TRIM24: variants seen among roughly 807,000 people sequenced by gnomAD.
TRIM24 encodes tripartite motif containing 24.
In TRIM24, 29 loss-of-function variants were observed where a neutral mutation model predicts 123.9. That is an observed-to-expected ratio of 0.23 (90% CI 0.17 to 0.32). TRIM24 has a LOEUF of 0.32. Ranked by LOEUF, TRIM24 falls within the 10% of genes least tolerant of loss-of-function variation. The pLI is 1.00. For missense variants in TRIM24, 932 were observed against 1,295.3 expected, an observed-to-expected ratio of 0.72 and a Z score of 4.31; for synonymous variants, 456 against 461.1, an observed-to-expected ratio of 0.99 and a Z score of 0.14.
At chr7:138,501,888 A>C (rs1367286543) in intron 1 of TRIM24, among the ~76,000 whole-genome samples, 3 of 128,388 alleles carry the variant, frequency 2.3e-5, no homozygotes, top group African/African-American at 5.3e-5. Context: ...ACTCCGTCTC[A>C]AAAAAAAAAA....
intron 4 of TRIM24, among the ~76,000 whole-genome samples, chr7:138,523,643 C>T (rs1018535260): frequency 4.1e-5 from 6 of 145,758 alleles, no homozygotes; most frequent in Non-Finnish European, 7.5e-5. Context: ...CCCAGCTACT[C>T]GGGAGGCTGA....
chr7:138,492,911 C>T (rs1166127944), intron 1 of TRIM24, among the ~76,000 whole-genome samples: 1 of 152,056 alleles, frequency 6.6e-6, no homozygotes, highest in Non-Finnish European at 1.5e-5. Flanking sequence ...GCCTTAGGTT[C>T]TGTTAATTTT....
At position 138,554,137 on chromosome 7, in the gene TRIM24, C is replaced by T. The variant is rs939157560; in HGVS notation, c.1262-561C>T. ...TTCATTGATAAAGAATGATAATCTCCGGGTTGGCCACTCCTAGGTTCCTTA... is the reference window on the plus strand; with the variant it reads ...TTCATTGATAAAGAATGATAATCTCTGGGTTGGCCACTCCTAGGTTCCTTA... On this transcript the variant is annotated intron_variant, in intron 8 of 18. Coordinates refer to ENST00000343526, the MANE Select transcript of TRIM24 (RefSeq NM_015905.3). This position sits in a 1 kb window ranked among gnomAD's most constrained non-coding sequence, Gnocchi z 4.5. Among the ~76,000 whole-genome samples, 24 of 152,270 alleles carry T rather than the reference C, an allele frequency of 1.6e-4. No homozygotes were observed. The highest frequency in any genetic ancestry group is 5.1e-4 in the African/African-American group (21 of 41,554).
At chr7:138,484,765 TGTAA>T (rs1340087137) in intron 1 of TRIM24, among the ~76,000 whole-genome samples, 2 of 152,258 alleles carry the variant, frequency 1.3e-5, no homozygotes, top group Non-Finnish European at 2.9e-5. Context: ...ACAATCCCTG[TGTAA>T]GTTTGGAATT....
chr7:138,485,376 TAA>T (rs1348155430), intron 1 of TRIM24, among the ~76,000 whole-genome samples: 1 of 152,110 alleles, frequency 6.6e-6, no homozygotes, highest in East Asian at 1.9e-4. Flanking sequence ...AATTATACTT[TAA>T]GTTCTAGGGT....
intron 10 of TRIM24, 139 bp downstream of exon 10, chr7:138,567,793 T>C: frequency 1.1e-6 from 1 of 899,994 alleles, no homozygotes; most frequent in Non-Finnish European, 1.5e-6. Flanking sequence ...AAATGTGAAT[T>C]GCAAAGTTTG....
At chr7:138,488,618 T>A (rs1277226638) in intron 1 of TRIM24, among the ~76,000 whole-genome samples, 4 of 152,216 alleles carry the variant, frequency 2.6e-5, no homozygotes, top group Admixed American at 6.5e-5. Context: ...CAGTAATCAT[T>A]TAGGAGCAGG....
chr7:138,532,902 G>C (rs1478445032), intron 6 of TRIM24, among the ~76,000 whole-genome samples: 1 of 152,186 alleles, frequency 6.6e-6, no homozygotes, highest in Admixed American at 6.5e-5. Flanking sequence ...GCAGTGGTTT[G>C]TAGTTCTCCA....
chr7:138,553,743 G>A (rs1397228024), intron 8 of TRIM24, among the ~76,000 whole-genome samples: 6 of 152,170 alleles, frequency 3.9e-5, no homozygotes, highest in African/African-American at 1.4e-4. Context: ...ATATATGACA[G>A]CAGTTCTCAA....
intron 3 of TRIM24, among the ~76,000 whole-genome samples, chr7:138,515,960 C>G (rs1274685667): frequency 6.6e-6 from 1 of 152,118 alleles, no homozygotes; most frequent in Non-Finnish European, 1.5e-5. Flanking sequence ...ATTTTCAAAA[C>G]TTTTTTATCA....
chr7:138,501,467 G>A (rs1219901600), intron 1 of TRIM24, among the ~76,000 whole-genome samples: 36 of 152,018 alleles, frequency 2.4e-4, no homozygotes, highest in Admixed American at 2.4e-3. Flanking sequence ...CTGACCTCAA[G>A]TGATCTGCCC....
intron 1 of TRIM24, among the ~76,000 whole-genome samples, chr7:138,500,769 A>T (rs1329976968): frequency 6.6e-6 from 1 of 151,940 alleles, no homozygotes; most frequent in Admixed American, 6.6e-5. Context: ...TTGTTGTATA[A>T]GTATGATAGG....
chr7:138,542,292 A>T (rs549067202), intron 7 of TRIM24, among the ~76,000 whole-genome samples: 40 of 152,324 alleles, frequency 2.6e-4, no homozygotes, highest in African/African-American at 9.4e-4. Context: ...AGAGTCATGC[A>T]ACTCTTCCTT....
intron 7 of TRIM24, among the ~76,000 whole-genome samples, chr7:138,541,583 A>C (rs1797006238): frequency 6.6e-6 from 1 of 152,144 alleles, no homozygotes; most frequent in African/African-American, 2.4e-5. Flanking sequence ...GATTTAGGAT[A>C]ATTCTTGAGG....
At chr7:138,508,682 T>TGA (rs1200648763) in intron 2 of TRIM24, among the ~76,000 whole-genome samples, 1 of 47,120 alleles carries the variant, frequency 2.1e-5, no homozygotes, top group Non-Finnish European at 4.6e-5. Flanking sequence ...TGTGTGTGTG[T>TGA]GTGTGTGTGT....
At chr7:138,511,426 G>A (rs1284946004) in intron 2 of TRIM24, among the ~76,000 whole-genome samples, 1 of 151,364 alleles carries the variant, frequency 6.6e-6, no homozygotes, top group African/African-American at 2.4e-5. Context: ...TCAGCCTCCC[G>A]AGCAGCTGGG....
At chr7:138,537,992 T>G (rs2116607349) in intron 6 of TRIM24, among the ~76,000 whole-genome samples, 1 of 152,340 alleles carries the variant, frequency 6.6e-6, no homozygotes, top group African/African-American at 2.4e-5. Context: ...TGTGCTCTAC[T>G]TTTGATTATC....
intron 6 of TRIM24, among the ~76,000 whole-genome samples, chr7:138,537,660 TA>T (rs1185750167): frequency 6.6e-6 from 1 of 152,086 alleles, no homozygotes; most frequent in Non-Finnish European, 1.5e-5. Flanking sequence ...AATAGTCTAC[TA>T]GGCAAATTAC....
At chr7:138,462,711 CTTGAATGTCTTCTG>C in intron 1 of TRIM24, among the ~76,000 whole-genome samples, 1 of 152,180 alleles carries the variant, frequency 6.6e-6, no homozygotes, top group South Asian at 2.1e-4. Context: ...GTCTCTGACC[CTTGAATGTCTTCTG>C]TCACCATCCA....
Sources: gnomAD v4.1 joint callset for allele counts (sites outside exome capture counted in the v4.1 genomes callset) on GRCh38, gnomAD v4.1.1 for gene constraint, Gnocchi (gnomAD v3.1) non-coding constraint, MANE v1.5 for transcripts, NCBI Gene and HGNC (gene_info 2026-07-23, HGNC 2026-07-21) for gene names.